EVA1C: variants seen among roughly 807,000 people sequenced by gnomAD.
EVA1C encodes protein eva-1 homolog C.
In EVA1C, 25 loss-of-function variants were observed where a neutral mutation model predicts 45.4. That is an observed-to-expected ratio of 0.55 (90% CI 0.40 to 0.77). The LOEUF is 0.77. EVA1C is among the 30% of genes least tolerant of loss of function. EVA1C has a pLI of 0.00. For synonymous variants in EVA1C, 190 were observed against 221.2 expected (o/e 0.86, Z 1.25); for missense variants, 479 against 554.8 (o/e 0.86, Z 1.37).
At chr21:32,505,131 T>C (rs2037684664) in intron 7 of EVA1C, among the ~76,000 whole-genome samples, 1 of 152,146 alleles carries the variant, frequency 6.6e-6, no homozygotes, top group Non-Finnish European at 1.5e-5. Flanking sequence ...ATGGGGGCTA[T>C]AATTCAAGAT....
intron 5 of EVA1C, among the ~76,000 whole-genome samples, chr21:32,498,439 C>CAAA (rs552076847): frequency 5.0e-5 from 4 of 79,756 alleles, no homozygotes; most frequent in Non-Finnish European, 5.5e-5. Context: ...AACTCTGTCT[C>CAAA]AAAAAAAAAA....
chr21:32,479,648 G>A (rs533825901), intron 4 of EVA1C, among the ~76,000 whole-genome samples: 2 of 152,224 alleles, frequency 1.3e-5, no homozygotes, highest in South Asian at 4.1e-4. Flanking sequence ...CACTCCCAGA[G>A]TAACTGAAAA....
At chr21:32,457,279 G>C (rs553258494) in intron 2 of EVA1C, among the ~76,000 whole-genome samples, 1 of 152,196 alleles carries the variant, frequency 6.6e-6, no homozygotes, top group African/African-American at 2.4e-5. Flanking sequence ...AAAGTCCTCT[G>C]ACCTCGCTTG....
chr21:32,503,575 C>T (rs866391010), intron 6 of EVA1C, among the ~76,000 whole-genome samples: 4 of 114,464 alleles, frequency 3.5e-5, no homozygotes, highest in African/African-American at 8.0e-5. Flanking sequence ...TAAAATAAAG[C>T]GAGATATTAT....
At chr21:32,421,840 T>A (rs2034284141) in intron 1 of EVA1C, among the ~76,000 whole-genome samples, 1 of 152,050 alleles carries the variant, frequency 6.6e-6, no homozygotes, top group Non-Finnish European at 1.5e-5. Flanking sequence ...GGTCAGGAGT[T>A]CAAGACCAGC....
intron 5 of EVA1C, among the ~76,000 whole-genome samples, chr21:32,499,425 A>G (rs2037457508): frequency 6.6e-6 from 1 of 152,194 alleles, no homozygotes; most frequent in Non-Finnish European, 1.5e-5. Flanking sequence ...CCTGGAAATC[A>G]TCAGCCACAT....
chr21:32,449,967 G>A (rs1319121283), intron 1 of EVA1C, among the ~76,000 whole-genome samples: 1 of 152,178 alleles, frequency 6.6e-6, no homozygotes, highest in East Asian at 1.9e-4. Flanking sequence ...TGTAGGGCAG[G>A]TTGTACTGCT....
At chr21:32,498,102 C>T (rs2037409874) in intron 5 of EVA1C, among the ~76,000 whole-genome samples, 2 of 152,206 alleles carry the variant, frequency 1.3e-5, no homozygotes, top group Non-Finnish European at 1.5e-5. Flanking sequence ...TCATTCAGCA[C>T]ATTGCTCTTT....
At chr21:32,504,513 T>G (rs1471501140) in intron 7 of EVA1C, among the ~76,000 whole-genome samples, 1 of 152,138 alleles carries the variant, frequency 6.6e-6, no homozygotes, top group East Asian at 1.9e-4. Context: ...TCAGCCCTCA[T>G]GAATTAGCAG....
At chr21:32,431,188 C>T (rs1457470836) in intron 1 of EVA1C, among the ~76,000 whole-genome samples, 1 of 152,216 alleles carries the variant, frequency 6.6e-6, no homozygotes, top group Admixed American at 6.5e-5. Context: ...GCCTCTGAGG[C>T]ACTTCCTGGT....
chr21:32,484,309 G>A (rs1347368377), intron 4 of EVA1C, among the ~76,000 whole-genome samples: 2 of 152,150 alleles, frequency 1.3e-5, no homozygotes, highest in Admixed American at 6.5e-5. Flanking sequence ...TTGGGAGGCC[G>A]AGGTGGGTGG....
At chr21:32,496,083 A>G (rs2037343360) in intron 5 of EVA1C, among the ~76,000 whole-genome samples, 1 of 152,198 alleles carries the variant, frequency 6.6e-6, no homozygotes, top group Non-Finnish European at 1.5e-5. Flanking sequence ...CACCACAATC[A>G]GTTTAAGAAC....
At chr21:32,458,730 C>G (rs2146270213) in intron 3 of EVA1C, among the ~76,000 whole-genome samples, 1 of 152,296 alleles carries the variant, frequency 6.6e-6, no homozygotes, top group East Asian at 1.9e-4. Context: ...ATCCACCCGT[C>G]TTGGCCTCCC....
At chr21:32,505,637 C>T (rs147247869) in intron 7 of EVA1C, among the ~76,000 whole-genome samples, 2 of 152,306 alleles carry the variant, frequency 1.3e-5, no homozygotes, top group East Asian at 1.9e-4. Flanking sequence ...ATTTTCTCAC[C>T]GTTCTGGAGG....
intron 4 of EVA1C, among the ~76,000 whole-genome samples, chr21:32,481,614 T>C (rs2036791861): frequency 6.6e-6 from 1 of 152,114 alleles, no homozygotes; most frequent in African/African-American, 2.4e-5. Flanking sequence ...AAAGAGTTTA[T>C]TAAAATATTC....
chr21:32,509,534 A>G (rs1351307957), intron 7 of EVA1C, among the ~76,000 whole-genome samples: 1 of 152,138 alleles, frequency 6.6e-6, no homozygotes. Context: ...TAAATCCACA[A>G]TTCCCTCCTT....
chr21:32,423,512 A>G (rs1264437440), intron 1 of EVA1C, among the ~76,000 whole-genome samples: 2 of 152,096 alleles, frequency 1.3e-5, no homozygotes, highest in African/African-American at 4.8e-5. Flanking sequence ...GGGATGAGCA[A>G]TCGATTTGGC....
chr21:32,412,873 C>G lies in EVA1C; in HGVS notation c.20C>G (p.Ala7Gly). The change falls in exon 1 of 8, where the codon GCA becomes GGA. Residue 7 changes from alanine (A) to glycine (G), a missense_variant. Physicochemically the swap from Ala to Gly is moderately conservative, Grantham distance 60. Coordinates refer to ENST00000300255, the MANE Select transcript of EVA1C (RefSeq NM_058187.5). The stretch of plus-strand genomic sequence containing the variant: ...CGCACGATGCTTCTGCCGGGACGCG[C>G]ACGCCAACCGCCGACGCCCCAGCCC... MLLPGR[A>G]RQPPTPQPVQ... 1 of 1,497,462 alleles carries G rather than the reference C, an allele frequency of 6.7e-7. No homozygotes were observed. The highest frequency in any genetic ancestry group is 8.9e-7 in the Non-Finnish European group (1 of 1,129,220). The allele number at this position is 1,497,462 out of a possible 1,614,324, so 92.8% of individuals were successfully genotyped here. A position where few individuals can be genotyped will look rare whatever the true frequency, so the allele number is the denominator to read the frequency against.
At chr21:32,428,981 A>AT (rs1398072957) in intron 1 of EVA1C, among the ~76,000 whole-genome samples, 1 of 151,844 alleles carries the variant, frequency 6.6e-6, no homozygotes, top group Non-Finnish European at 1.5e-5. Flanking sequence ...GGCTGATTCT[A>AT]TTTTGCATGC....
Sources: allele counts gnomAD v4.1 joint callset (sites outside exome capture counted in the v4.1 genomes callset), GRCh38; gene constraint gnomAD v4.1.1; transcripts MANE v1.5; gene names NCBI Gene and HGNC (gene_info 2026-07-23, HGNC 2026-07-21).